The following ERBB4 variants were observed in gnomAD, a reference collection of about 807,000 sequenced individuals.
The protein encoded by ERBB4 is receptor tyrosine-protein kinase erbB-4.
A neutral mutation model predicts 158.0 loss-of-function variants in ERBB4; 42 were observed. The observed-to-expected ratio is 0.27, with a 90% CI of 0.21 to 0.34. The LOEUF (loss-of-function observed/expected upper bound fraction) is 0.34. ERBB4 is among the 10% of genes least tolerant of loss of function. ERBB4 has a pLI of 1.00. For synonymous variants in ERBB4, 583 were observed against 558.7 expected (o/e 1.04, Z -0.61); for missense variants, 1,333 against 1,624.1 (o/e 0.82, Z 3.08).
chr2:212,342,200 C>T (rs989061671), intron 1 of ERBB4, among the ~76,000 whole-genome samples: 1 of 152,158 alleles, frequency 6.6e-6, no homozygotes, highest in African/African-American at 2.4e-5. Flanking sequence ...AAGAACCTCA[C>T]AAATTTAATA....
intron 2 of ERBB4, among the ~76,000 whole-genome samples, chr2:212,057,954 G>A (rs1373177591): frequency 6.6e-6 from 1 of 152,128 alleles, no homozygotes; most frequent in Non-Finnish European, 1.5e-5. Context: ...AGGAGATAGA[G>A]ACACAAAAAA....
chr2:211,503,829 G>T (rs555849207), intron 20 of ERBB4, among the ~76,000 whole-genome samples: 25 of 152,188 alleles, frequency 1.6e-4, no homozygotes, highest in African/African-American at 5.8e-4. Context: ...TTGTCTCAGT[G>T]GACTGGGAGG....
chr2:212,401,608 G>T (rs571891209), intron 1 of ERBB4, among the ~76,000 whole-genome samples: 23 of 152,178 alleles, frequency 1.5e-4, no homozygotes, highest in Non-Finnish European at 2.6e-4. Context: ...CTTAGCTTAT[G>T]AAGTATTTAT....
intron 1 of ERBB4, among the ~76,000 whole-genome samples, chr2:212,434,218 T>G (rs2092089445): frequency 1.3e-5 from 2 of 151,956 alleles, no homozygotes; most frequent in South Asian, 2.1e-4. Flanking sequence ...AGTTAAAGCA[T>G]AGTGGATATA....
At chr2:211,993,406 GAACT>G (rs2082125588) in intron 2 of ERBB4, among the ~76,000 whole-genome samples, 2 of 152,116 alleles carry the variant, frequency 1.3e-5, no homozygotes, top group Admixed American at 1.3e-4. Context: ...CCAGCCTCTA[GAACT>G]TCGAGAAAAT....
chr2:212,035,129 A>G (rs2076984581), intron 2 of ERBB4, among the ~76,000 whole-genome samples: 2 of 152,212 alleles, frequency 1.3e-5, no homozygotes, highest in South Asian at 2.1e-4. Flanking sequence ...AACACTATTA[A>G]AAGAGTAGTC....
In ERBB4 at chr2:211,679,182, C is replaced by A. The variant is rs764878032; in HGVS notation, c.1492G>T (p.Ala498Ser). The change falls in exon 13 of 28, where the codon GCT becomes TCT. Residue 498 changes from alanine to serine, a missense_variant and splice_region_variant. Transcript: ENST00000342788. Reference sequence around the variant, plus strand: ...AGATGGTTGCACACCATTCCTTCAGCAGCTGTGAAACACCAAAATCAAGGG... The same window carrying A: ...AGATGGTTGCACACCATTCCTTCAGAAGCTGTGAAACACCAAAATCAAGGG... The part of the protein sequence containing the change: ...RDNRKAENCT[A>S]EGMVCNHLCS... 1.2e-6 allele frequency: 2 copies of A among 1,613,706 alleles called. No individual in the cohort carries two copies. The highest frequency in any genetic ancestry group is 1.7e-6 in the Non-Finnish European group (2 of 1,179,754).
chr2:211,968,127 C>G (rs950280631), intron 2 of ERBB4, among the ~76,000 whole-genome samples: 1 of 151,914 alleles, frequency 6.6e-6, no homozygotes, highest in Non-Finnish European at 1.5e-5. Flanking sequence ...TTTAAAAAGC[C>G]ATTTTCTTGG....
intron 19 of ERBB4, 102 bp downstream of exon 19, chr2:211,619,075 G>T (rs1234869231): frequency 1.4e-6 from 1 of 733,570 alleles, no homozygotes; most frequent in Non-Finnish European, 2.5e-6. Flanking sequence ...TTCCATAAGA[G>T]AAATTTGTAA....
intron 2 of ERBB4, among the ~76,000 whole-genome samples, chr2:211,998,531 A>C (rs1359760085): frequency 4.4e-5 from 1 of 22,616 alleles, no homozygotes; most frequent in Non-Finnish European, 1.8e-4. Flanking sequence ...CATACTGCCA[A>C]AAAAAAAAAA....
rs1575016650 is a variant in ERBB4 at position 211,704,278 on chromosome 2, G to A, written c.1199-84C>T. ...ATTTTTCTTGAAATATGGTGAAAAT[G>A]TGTTGAAAGTTGGGAAGTGAGAAAG... On this transcript the variant is annotated intron_variant, in intron 10 of 27. Transcript: ENST00000342788. The A allele has an allele frequency of 3.2e-5, 29 of 900,070 alleles. No homozygotes were observed. In the East Asian group the frequency reaches 7.0e-4, roughly 22 times the overall value. The allele number at this position is 900,070 out of a possible 1,614,324, so 55.8% of individuals were successfully genotyped here.
chr2:211,551,769 A>C (rs923325134), intron 20 of ERBB4, among the ~76,000 whole-genome samples: 1 of 152,232 alleles, frequency 6.6e-6, no homozygotes, highest in Admixed American at 6.5e-5. Flanking sequence ...TCAAGCATTT[A>C]AATGACATCA....
At chr2:212,247,176 T>G (rs2084339502) in intron 1 of ERBB4, among the ~76,000 whole-genome samples, 1 of 152,210 alleles carries the variant, frequency 6.6e-6, no homozygotes, top group South Asian at 2.1e-4. Flanking sequence ...ATTTAAATTC[T>G]GAAGAGATAT....
intron 3 of ERBB4, among the ~76,000 whole-genome samples, chr2:211,910,137 C>T (rs2079506344): frequency 6.6e-6 from 1 of 151,342 alleles, no homozygotes. Context: ...CCAGGTTGGT[C>T]TTGAACTGAC....
In ERBB4 at chr2:211,562,802, C is replaced by A. The variant is rs111508926; in HGVS notation, c.2302-714G>T. On this transcript the variant is annotated intron_variant, in intron 19 of 27. Coordinates refer to ENST00000342788, the MANE Select transcript of ERBB4 (RefSeq NM_005235.3). ...TTTTTTTTTTTTTGAGACGGAGTCT[C>A]GCTCTGTCGCCCAGGCTGGAGTGCA... 5.2e-3 allele frequency among the ~76,000 whole-genome samples: 608 copies of A among 118,028 alleles called. 8 individuals carry two copies. Among genetic ancestry groups the A allele is most frequent in the African/African-American group, 0.022 (582 of 26,870 alleles). 77.4% of individuals were successfully genotyped at this position (118,028 alleles called of 152,430 possible).
At chr2:211,726,254 G>T (rs935080440) in intron 5 of ERBB4, among the ~76,000 whole-genome samples, 1 of 151,948 alleles carries the variant, frequency 6.6e-6, no homozygotes, top group Admixed American at 6.6e-5. Flanking sequence ...GACAATTTTG[G>T]GGGGACTATG....
intron 2 of ERBB4, among the ~76,000 whole-genome samples, chr2:212,093,120 T>C (rs1253221635): frequency 6.6e-6 from 1 of 152,214 alleles, no homozygotes; most frequent in Admixed American, 6.5e-5. Flanking sequence ...TACTTTTTTC[T>C]ATTCCAGAAA....
intron 3 of ERBB4, among the ~76,000 whole-genome samples, chr2:211,797,576 G>A (rs2076408826): frequency 6.6e-6 from 1 of 151,904 alleles, no homozygotes; most frequent in South Asian, 2.1e-4. Flanking sequence ...ACTCTTGTAA[G>A]ATGATTATAT....
At chr2:212,467,020 G>A (rs1688871483) in intron 1 of ERBB4, among the ~76,000 whole-genome samples, 1 of 152,194 alleles carries the variant, frequency 6.6e-6, no homozygotes, top group Non-Finnish European at 1.5e-5. Context: ...CCCTGCCCTA[G>A]AGATTTGTGG....
Sources: gnomAD v4.1 joint callset for allele counts (sites outside exome capture counted in the v4.1 genomes callset) on GRCh38, gnomAD v4.1.1 for gene constraint, MANE v1.5 for transcripts, NCBI Gene and HGNC (gene_info 2026-07-23, HGNC 2026-07-21) for gene names.